Variants in GRIN2C observed in about 807,000 individuals in gnomAD.
GRIN2C encodes the protein glutamate receptor ionotropic, NMDA 2C.
GRIN2C carries 64 observed loss-of-function variants against 77.7 expected under a neutral mutation model. That is an observed-to-expected ratio of 0.82 (90% CI 0.67 to 1.01). GRIN2C has a LOEUF of 1.01. Ranked by LOEUF, GRIN2C falls within the 50% of genes least tolerant of loss-of-function variation. The pLI is 0.00. For missense variants in GRIN2C, 1,549 were observed against 1,486.0 expected (o/e 1.04, Z -0.70); for synonymous variants, 792 against 643.4 (o/e 1.23, Z -3.49).
chr17:74,851,919 G>T, intron 3 of GRIN2C, 94 bp downstream of exon 3: 1 of 932,846 alleles, frequency 1.1e-6, no homozygotes, highest in Non-Finnish European at 1.6e-6. Flanking sequence ...CGCAGCTAGT[G>T]GGAGGTGTGG....
chr17:74,843,147 C>T lies in GRIN2C; in HGVS notation c.2990G>A (p.Arg997His), dbSNP rs1598468666. Residue 997 changes from arginine to histidine, a missense_variant, in exon 13 of 13, where the codon CGC (arginine) becomes CAC (histidine). Physicochemically the swap from Arg to His is conservative, Grantham distance 29 (BLOSUM62 0). Coordinates refer to ENST00000293190, the MANE Select transcript of GRIN2C (RefSeq NM_000835.6). The stretch of plus-strand genomic sequence containing the variant: ...CGGCCACCGCGCCTCCCAGGCTGGG[C>T]GGCGCGACACTCGGGAGACGTCGGA... ...PLSDVSRVSR[R>H]PAWEARWPVR... 4 of 415,762 alleles carry T rather than the reference C, an allele frequency of 9.6e-6. No homozygotes were observed. In the South Asian group the frequency reaches 3.1e-4, roughly 33 times the overall value. The allele number at this position is 415,762 out of a possible 1,614,324, so 25.8% of individuals were successfully genotyped here.
chr17:74,842,319 G>A lies in GRIN2C; in HGVS notation c.*116C>T. The A allele has an allele frequency of 3.2e-6, 2 of 627,908 alleles. No homozygotes were observed. The highest frequency in any genetic ancestry group is 5.9e-4 in the Middle Eastern group (2 of 3,384). 38.9% of individuals were successfully genotyped at this position (627,908 alleles called of 1,614,324 possible). ...ATGGAAGACATCATCTGTCACTGGG[G>A]TCCCATGGCCAGGATTTCATGGCAG... is the stretch of plus-strand genomic sequence containing the variant. On this transcript the variant is annotated 3_prime_UTR_variant, in exon 13 of 13. Coordinates refer to ENST00000293190, the MANE Select transcript of GRIN2C (RefSeq NM_000835.6).
intron 11 of GRIN2C, among the ~76,000 whole-genome samples, chr17:74,844,966 C>A (rs759478323): frequency 6.6e-6 from 1 of 152,130 alleles, no homozygotes; most frequent in African/African-American, 2.4e-5. Context: ...CAGTCGTGCT[C>A]TGTCACCCAG....
At chr17:74,845,158 A>G (rs1242279388) in intron 11 of GRIN2C, among the ~76,000 whole-genome samples, 1 of 152,014 alleles carries the variant, frequency 6.6e-6, no homozygotes, top group African/African-American at 2.4e-5. Context: ...CCGATCTCCT[A>G]GACTTAAGCA....
At chr17:74,857,993 T>A (rs899864329) in intron 1 of GRIN2C, among the ~76,000 whole-genome samples, 2 of 152,214 alleles carry the variant, frequency 1.3e-5, no homozygotes, top group African/African-American at 4.8e-5. Flanking sequence ...CTAGAAAATT[T>A]TAAATTGTAC....
chr17:74,842,997 G>GGGGGCTCC lies in GRIN2C; in HGVS notation c.3139_3140insGGAGCCCC (p.Pro1047ArgfsTer167). ...GAGCAGCGGCAGGTCCTCCAGCTCC[G>GGGGGCTCC]GGAAGAGCGGGAGGAAGGGGCGGCC... On this transcript the variant is annotated frameshift_variant, in exon 13 of 13. Transcript: ENST00000293190. LOFTEE classifies it low-confidence loss of function (END_TRUNC). 2 of 519,712 alleles carry GGGGGCTCC rather than the reference G, an allele frequency of 3.8e-6. No homozygotes were observed. Among genetic ancestry groups the GGGGGCTCC allele is most frequent in the Non-Finnish European group, 3.4e-6 (1 of 294,456 alleles). The allele number at this position is 519,712 out of a possible 1,614,324, so 32.2% of individuals were successfully genotyped here.
Position 74,846,801 on chromosome 17 carries a change from G to A in GRIN2C, c.2121C>T (p.Asn707=). 2 of 1,614,178 alleles carry A rather than the reference G, an allele frequency of 1.2e-6. No homozygotes were observed. Among genetic ancestry groups the A allele is most frequent in the South Asian group, 2.2e-5 (2 of 91,088 alleles). The change falls in exon 10 of 13, where the codon AAC becomes AAT. Residue 707 remains asparagine (N), a synonymous_variant. Coordinates refer to ENST00000293190, the MANE Select transcript of GRIN2C (RefSeq NM_000835.6). The surrounding 1 kb of genome is among the most constrained non-coding windows in gnomAD (Gnocchi z 4.4). ...TGAGCGCGTCCTCCACCGAGCGCTGGTTGAACTTGACCATGTGGGTGTGCA... is the reference window on the plus strand; with the variant it reads ...TGAGCGCGTCCTCCACCGAGCGCTGATTGAACTTGACCATGTGGGTGTGCA... The part of the protein sequence containing the change: ...RDMHTHMVKF[N]QRSVEDALTS...
chr17:74,843,387 G>A lies in GRIN2C; in HGVS notation c.2750C>T (p.Thr917Ile), dbSNP rs1485920081. ...AGVSSSLDRA[T>I]RTIENWGGGR... is the part of the protein sequence containing the mutation. ...GCCACCCCAATTCTCGATGGTGCGA[G>A]TGGCGCGGTCCAGGGAGCTGCTTAC... The change falls in exon 13 of 13, where the codon ACT becomes ATT. Residue 917 changes from threonine to isoleucine, a missense_variant. Around this residue, in one of 3 missense-constraint regions of GRIN2C, gnomAD observed 450 missense variants for 267.9 expected, o/e 1.68. Transcript: ENST00000293190. 1 of 1,533,176 alleles carries A rather than the reference G, an allele frequency of 6.5e-7. No homozygotes were observed. Among genetic ancestry groups the A allele is most frequent in the Non-Finnish European group, 8.7e-7 (1 of 1,144,472 alleles). The allele number at this position is 1,533,176 out of a possible 1,614,324, so 95.0% of individuals were successfully genotyped here.
intron 1 of GRIN2C, among the ~76,000 whole-genome samples, chr17:74,857,675 C>T (rs558998020): frequency 2.0e-5 from 3 of 152,286 alleles, no homozygotes; most frequent in African/African-American, 7.2e-5. Context: ...CTGGGGAGCC[C>T]CAAACCTCCT....
chr17:74,850,543 G>A lies in GRIN2C; in HGVS notation c.1325+13C>T. The stretch of plus-strand genomic sequence containing the variant: ...ACCCAGCTCACACTAGCCTCCCAGG[G>A]CCCTCCACAGACCTGAAGGTGTGGT... On this transcript the variant is annotated intron_variant, in intron 5 of 12. Transcript: ENST00000293190. The surrounding 1 kb of genome is among the most constrained non-coding windows in gnomAD (Gnocchi z 5.3). 3.1e-6 allele frequency: 5 copies of A among 1,611,670 alleles called. No individual in the cohort carries two copies. Among genetic ancestry groups the A allele is most frequent in the East Asian group, 2.2e-5 (1 of 44,856 alleles).
chr17:74,861,008 G>T (rs984925432), upstream of GRIN2C, among the ~76,000 whole-genome samples: 1 of 152,130 alleles, frequency 6.6e-6, no homozygotes, highest in African/African-American at 2.4e-5. Flanking sequence ...CCCACTCCCG[G>T]CCCTGTTCCC....
At chr17:74,851,726 A>G (rs1567895681) in intron 3 of GRIN2C, 35 bp from the exon 4 acceptor site, 4 of 1,310,576 alleles carry the variant, frequency 3.1e-6, no homozygotes, top group Non-Finnish European at 4.3e-6. Flanking sequence ...AGCCCTGCCA[A>G]GGACCAGGCA....
chr17:74,842,975 C>G lies in GRIN2C; in HGVS notation c.3162G>C (p.Leu1054=), dbSNP rs1344059915. 2.0e-6 allele frequency: 1 copy of G among 506,166 alleles called. No homozygotes were observed. Among genetic ancestry groups the G allele is most frequent in the Non-Finnish European group, 3.4e-6 (1 of 294,520 alleles). The allele number at this position is 506,166 out of a possible 1,614,324, so 31.4% of individuals were successfully genotyped here. A position where few individuals can be genotyped will look rare whatever the true frequency, so the allele number is the denominator to read the frequency against. ...PLFPELEDLP[L]LGPEQLARRE... ...GCCGGGCCAGCTGCTCCGGACCGAG[C>G]AGCGGCAGGTCCTCCAGCTCCGGGA... Residue 1054 remains leucine (L), a synonymous_variant, in exon 13 of 13, where the codon CTG becomes CTC. Transcript: ENST00000293190.
chr17:74,850,059 A>G lies in GRIN2C; in HGVS notation c.1492-126T>C. On this transcript the variant is annotated intron_variant, in intron 6 of 12. Coordinates refer to ENST00000293190, the MANE Select transcript of GRIN2C (RefSeq NM_000835.6). The surrounding 1 kb of genome is among the most constrained non-coding windows in gnomAD (Gnocchi z 5.3). ...GTCAATCATTCCCTCTGGGGCCCTCAGAGCTCAGCTTTCAGTACTGACCAC... is the reference window on the plus strand; with the variant it reads ...GTCAATCATTCCCTCTGGGGCCCTCGGAGCTCAGCTTTCAGTACTGACCAC... The G allele has an allele frequency of 2.2e-6, 3 of 1,354,384 alleles. No homozygotes were observed. The highest frequency in any genetic ancestry group is 3.1e-6 in the Non-Finnish European group (3 of 976,956). The allele number at this position is 1,354,384 out of a possible 1,614,324, so 83.9% of individuals were successfully genotyped here.
At position 74,850,803 on chromosome 17, in the gene GRIN2C, G is replaced by T; in HGVS notation, c.1114-36C>A. 1.3e-6 allele frequency: 2 copies of T among 1,532,010 alleles called. No individual in the cohort carries two copies. Among genetic ancestry groups the T allele is most frequent in the African/African-American group, 1.4e-5 (1 of 73,266 alleles). The allele number at this position is 1,532,010 out of a possible 1,614,324, so 94.9% of individuals were successfully genotyped here. A position where few individuals can be genotyped will look rare whatever the true frequency, so the allele number is the denominator to read the frequency against. On this transcript the variant is annotated intron_variant, in intron 4 of 12. Transcript: ENST00000293190. The surrounding 1 kb of genome is among the most constrained non-coding windows in gnomAD (Gnocchi z 5.3). Reference sequence around the variant, plus strand: ...TGACAGCCTCAGCCTGGGGCCTCCAGCCCTACAGCCCCCACCCTCTAGGTG... The same window carrying T: ...TGACAGCCTCAGCCTGGGGCCTCCATCCCTACAGCCCCCACCCTCTAGGTG...
Position 74,847,021 on chromosome 17 carries a change from A to G in GRIN2C, c.2002-101T>C. On this transcript the variant is annotated intron_variant, in intron 9 of 12. Coordinates refer to ENST00000293190, the MANE Select transcript of GRIN2C (RefSeq NM_000835.6). This position sits in a 1 kb window ranked among gnomAD's most constrained non-coding sequence, Gnocchi z 5.2. ...GAGCCCAGCCCCAGTGTGGACTTGC[A>G]TAGTCAGAGCAGAAGGTCTTAAAGG... 7.8e-7 allele frequency: 1 copy of G among 1,288,302 alleles called. No individual in the cohort carries two copies. The highest frequency in any genetic ancestry group is 1.4e-5 in the South Asian group (1 of 73,236). The allele number at this position is 1,288,302 out of a possible 1,614,324, so 79.8% of individuals were successfully genotyped here.
Position 74,846,401 on chromosome 17 carries a change from G to C in GRIN2C, c.2163-148C>G. On this transcript the variant is annotated intron_variant, in intron 10 of 12. Coordinates refer to ENST00000293190, the MANE Select transcript of GRIN2C (RefSeq NM_000835.6). The surrounding 1 kb of genome is among the most constrained non-coding windows in gnomAD (Gnocchi z 4.4). ...GCAGAGACTTGTCTGGTTCTCTTGG[G>C]TCCTGGATGGGGTGAGGACCCCTCC... The C allele has an allele frequency of 1.5e-6, 1 of 683,744 alleles. No individual in the cohort carries two copies. The highest frequency in any genetic ancestry group is 2.5e-6 in the Non-Finnish European group (1 of 400,974). 42.4% of individuals were successfully genotyped at this position (683,744 alleles called of 1,614,324 possible). A position where few individuals can be genotyped will look rare whatever the true frequency, so the allele number is the denominator to read the frequency against.
rs572980835 is a variant in GRIN2C, at chr17:74,845,810, G to T, written c.2350+256C>A. ...CCACCCATCCCCACCCCCACCATGAGGCCTGAGCCCCTTCCTGTCTTCCTG... is the reference window on the plus strand; with the variant it reads ...CCACCCATCCCCACCCCCACCATGATGCCTGAGCCCCTTCCTGTCTTCCTG... On this transcript the variant is annotated intron_variant, in intron 11 of 12. Coordinates refer to ENST00000293190, the MANE Select transcript of GRIN2C (RefSeq NM_000835.6). Among the ~76,000 whole-genome samples the T allele has an allele frequency of 1.6e-4, 25 of 151,930 alleles. No individual in the cohort carries two copies. In the East Asian group the frequency reaches 3.3e-3, roughly 20 times the overall value.
rs771343271 is a variant in GRIN2C, at chr17:74,850,669, C to T, written c.1212G>A (p.Thr404=). 8.7e-6 allele frequency: 14 copies of T among 1,613,670 alleles called. No homozygotes were observed. Among genetic ancestry groups the T allele is most frequent in the African/African-American group, 1.3e-5 (1 of 75,038 alleles). Reference sequence around the variant, plus strand: ...AGGGCCGCTCTTCCAGCGTGGCCACCGTCAGGTGCCGACTGTCCACCACAG... The same window carrying T: ...AGGGCCGCTCTTCCAGCGTGGCCACTGTCAGGTGCCGACTGTCCACCACAG... The part of the protein sequence containing the change: ...LQPVVDSRHL[T]VATLEERPFV... The change falls in exon 5 of 13, where the codon ACG becomes ACA. Residue 404 remains threonine (T), a synonymous_variant. Transcript: ENST00000293190. The surrounding 1 kb of genome is among the most constrained non-coding windows in gnomAD (Gnocchi z 5.3).
Sources: allele counts gnomAD v4.1 joint callset (sites outside exome capture counted in the v4.1 genomes callset), GRCh38; gene constraint gnomAD v4.1.1; regional missense constraint gnomAD v4.1.1; non-coding constraint Gnocchi (gnomAD v3.1); transcripts MANE v1.5; gene names NCBI Gene and HGNC (gene_info 2026-07-23, HGNC 2026-07-21).